TRAPPC9: variants seen among roughly 807,000 people sequenced by gnomAD.
TRAPPC9 encodes the protein IKK2 binding protein.
A neutral mutation model predicts 124.0 loss-of-function variants in TRAPPC9; 83 were observed. That is an observed-to-expected ratio of 0.67 (90% CI 0.56 to 0.80). The LOEUF is 0.80. Among genes scored for constraint, TRAPPC9 ranks in the 30% least tolerant of loss-of-function variants. TRAPPC9 has a pLI of 0.00. For synonymous variants in TRAPPC9, 638 were observed against 617.5 expected (o/e 1.03, Z -0.49); for missense variants, 1,302 against 1,508.3 (o/e 0.86, Z 2.27).
intron 19 of TRAPPC9, among the ~76,000 whole-genome samples, chr8:139,911,974 C>A (rs1282892182): frequency 6.6e-6 from 1 of 152,124 alleles, no homozygotes; most frequent in Non-Finnish European, 1.5e-5. Flanking sequence ...CTGAGCCACA[C>A]AAGAGCTAGA....
intron 20 of TRAPPC9, among the ~76,000 whole-genome samples, chr8:139,901,097 C>T (rs929306682): frequency 3.3e-5 from 5 of 152,128 alleles, no homozygotes; most frequent in African/African-American, 1.2e-4. Flanking sequence ...GCTTGAACTC[C>T]ATCATGGAGA....
chr8:139,762,540 C>T (rs185201603), intron 21 of TRAPPC9, among the ~76,000 whole-genome samples: 3 of 152,220 alleles, frequency 2.0e-5, no homozygotes, highest in South Asian at 4.2e-4. Flanking sequence ...CTGTAGACAA[C>T]GGCAACACAA....
chr8:139,918,544 C>T (rs896438871), intron 19 of TRAPPC9, among the ~76,000 whole-genome samples: 1 of 152,234 alleles, frequency 6.6e-6, no homozygotes, highest in Admixed American at 6.5e-5. Flanking sequence ...CCCTCCCCGG[C>T]CCTCCCACCA....
At chr8:140,057,874 A>G (rs557847911) in intron 17 of TRAPPC9, among the ~76,000 whole-genome samples, 82 of 152,372 alleles carry the variant, frequency 5.4e-4, no homozygotes, top group South Asian at 4.6e-3. Flanking sequence ...AAACTCATAC[A>G]TGCAGTAGGT....
chr8:140,336,656 C>T (rs1245773927), intron 9 of TRAPPC9, among the ~76,000 whole-genome samples: 2 of 152,158 alleles, frequency 1.3e-5, no homozygotes, highest in African/African-American at 4.8e-5. Context: ...AAATAATGAG[C>T]AAGCAACAAA....
chr8:140,018,324 A>ATTTTTTTTTTTTTTTT (rs1554608008), intron 18 of TRAPPC9, among the ~76,000 whole-genome samples: 2 of 119,778 alleles, frequency 1.7e-5, no homozygotes. Flanking sequence ...AACGTAAGTG[A>ATTTTTTTTTTTTTTTT]TTTTTTTTTT....
intron 7 of TRAPPC9, among the ~76,000 whole-genome samples, chr8:140,373,181 G>A (rs1200815512): frequency 6.6e-6 from 1 of 152,214 alleles, no homozygotes; most frequent in Non-Finnish European, 1.5e-5. Flanking sequence ...ACCCCTGGGG[G>A]CCTCCATGCT....
At chr8:140,430,330 C>A (rs2070593438) in intron 4 of TRAPPC9, among the ~76,000 whole-genome samples, 1 of 152,144 alleles carries the variant, frequency 6.6e-6, no homozygotes, top group African/African-American at 2.4e-5. Context: ...CTTCACTCCT[C>A]TGGTTTCCAT....
intron 17 of TRAPPC9, among the ~76,000 whole-genome samples, chr8:140,130,501 A>G (rs536979932): frequency 6.6e-6 from 1 of 152,216 alleles, no homozygotes; most frequent in South Asian, 2.1e-4. Context: ...CCTCCGAAAT[A>G]ACTGAATTAT....
At position 140,415,975 on chromosome 8, in the gene TRAPPC9, A is replaced by T. The variant is rs57136750; in HGVS notation, c.887-10277T>A. 5.6e-3 allele frequency among the ~76,000 whole-genome samples: 851 copies of T among 152,288 alleles called. 5 individuals carry two copies. The highest frequency in any genetic ancestry group is 0.019 in the African/African-American group (786 of 41,550). On this transcript the variant is annotated intron_variant, in intron 5 of 22. Transcript: ENST00000438773. Reference sequence around the variant, plus strand: ...GACCCTGTCTCTTAAACCAGAAGAAAGAGCTCATGTCAACAACCTAAGAAA... The same window carrying T: ...GACCCTGTCTCTTAAACCAGAAGAATGAGCTCATGTCAACAACCTAAGAAA...
intron 17 of TRAPPC9, among the ~76,000 whole-genome samples, chr8:140,033,657 G>GTTTT (rs1491525674): frequency 3.0e-4 from 15 of 49,300 alleles, no homozygotes; most frequent in South Asian, 1.3e-3. Context: ...TTCATAATGT[G>GTTTT]GTTTTTTTTT....
intron 21 of TRAPPC9, among the ~76,000 whole-genome samples, chr8:139,765,190 C>T (rs1194033118): frequency 1.3e-5 from 2 of 152,174 alleles, no homozygotes; most frequent in South Asian, 4.1e-4. Context: ...CCAGTTGGTT[C>T]GTTTGTTCTC....
chr8:140,121,504 A>G (rs2060984640), intron 17 of TRAPPC9, among the ~76,000 whole-genome samples: 1 of 152,238 alleles, frequency 6.6e-6, no homozygotes. Context: ...AAAGTGCTGC[A>G]GTGACCCAGG....
At chr8:140,126,841 G>A (rs1313710246) in intron 17 of TRAPPC9, among the ~76,000 whole-genome samples, 3 of 152,140 alleles carry the variant, frequency 2.0e-5, no homozygotes, top group East Asian at 3.9e-4. Context: ...ACTCACGGGC[G>A]CTGTGACCCT....
At chr8:140,329,023 G>A (rs1007657558) in intron 9 of TRAPPC9, among the ~76,000 whole-genome samples, 20 of 152,242 alleles carry the variant, frequency 1.3e-4, no homozygotes, top group Middle Eastern at 3.4e-3. Flanking sequence ...CCGGAGGGTG[G>A]AGAGACCCAG....
At chr8:139,809,597 G>T (rs1014358364) in intron 21 of TRAPPC9, among the ~76,000 whole-genome samples, 1 of 152,162 alleles carries the variant, frequency 6.6e-6, no homozygotes, top group Admixed American at 6.5e-5. Context: ...AATTTTGCCT[G>T]CTGGCATCTG....
At chr8:139,749,846 C>G in intron 21 of TRAPPC9, among the ~76,000 whole-genome samples, 1 of 152,194 alleles carries the variant, frequency 6.6e-6, no homozygotes, top group East Asian at 1.9e-4. Context: ...TGGAGAGCAC[C>G]TCCCTGCTGA....
At chr8:140,106,115 G>T (rs1385881461) in intron 17 of TRAPPC9, among the ~76,000 whole-genome samples, 1 of 151,630 alleles carries the variant, frequency 6.6e-6, no homozygotes, top group East Asian at 1.9e-4. Context: ...ATCACACAGG[G>T]CTCAGCTCAA....
At chr8:140,236,542 C>G (rs2063735451) in intron 16 of TRAPPC9, among the ~76,000 whole-genome samples, 1 of 152,290 alleles carries the variant, frequency 6.6e-6, no homozygotes, top group South Asian at 2.1e-4. Context: ...TGGGTGTTTA[C>G]ATAGATTCAT....
Sources: allele counts gnomAD v4.1 joint callset (sites outside exome capture counted in the v4.1 genomes callset), GRCh38; gene constraint gnomAD v4.1.1; transcripts MANE v1.5; gene names NCBI Gene and HGNC (gene_info 2026-07-23, HGNC 2026-07-21).